BRCA2: variants seen among roughly 807,000 people sequenced by gnomAD.
The protein encoded by BRCA2 is breast cancer type 2 susceptibility protein.
Under a neutral mutation model 276.7 loss-of-function variants are expected in BRCA2, and 203 were observed. That is an observed-to-expected ratio of 0.73 (90% CI 0.65 to 0.82). The LOEUF (loss-of-function observed/expected upper bound fraction) is 0.82, where lower values mean the gene tolerates loss of function less well. Among genes scored for constraint, BRCA2 ranks in the 40% least tolerant of loss-of-function variants. The pLI, the probability that BRCA2 is intolerant of heterozygous loss-of-function variation, is 0.00. For missense variants in BRCA2, 3,920 were observed against 3,915.0 expected, an observed-to-expected ratio of 1.00 and a Z score of -0.03; for synonymous variants, 1,289 against 1,338.4, an observed-to-expected ratio of 0.96 and a Z score of 0.81.
Position 32,346,876 on chromosome 13 carries a change from G to A in BRCA2, c.6987G>A (p.Pro2329=), listed in dbSNP as rs756619373. 33 of 1,609,500 alleles carry A rather than the reference G, an allele frequency of 2.1e-5. No homozygotes were observed. Among genetic ancestry groups the A allele is most frequent in the African/African-American group, 6.7e-5 (5 of 74,816 alleles). ...TTATGCATCATGTTTCTTTAGAGCCGATTACCTGTGTACCCTTTCGGTAAG... is the reference window on the plus strand; with the variant it reads ...TTATGCATCATGTTTCTTTAGAGCCAATTACCTGTGTACCCTTTCGGTAAG... ...RLFMHHVSLE[P]ITCVPFRTTK... is the part of the protein sequence containing the mutation. Residue 2329 remains proline (P), a synonymous_variant, in exon 13 of 27, where the codon CCG becomes CCA. Transcript: ENST00000380152.
intron 20 of BRCA2, among the ~76,000 whole-genome samples, chr13:32,376,240 A>G (rs1456119746): frequency 6.6e-6 from 1 of 151,810 alleles, no homozygotes; most frequent in Non-Finnish European, 1.5e-5. Context: ...AACTTATAGC[A>G]GGCCAGGTGT....
In BRCA2 at chr13:32,341,049, A is replaced by G. The variant is rs781219481; in HGVS notation, c.6694A>G (p.Lys2232Glu). 3.1e-6 allele frequency: 5 copies of G among 1,613,966 alleles called. No homozygotes were observed. The highest frequency in any genetic ancestry group is 4.2e-6 in the Non-Finnish European group (5 of 1,179,912). ...TGAAACAGAAGCAGTAGAAATTGCTAAAGCTTTTATGGAAGATGATGAACT... is the reference window on the plus strand; with the variant it reads ...TGAAACAGAAGCAGTAGAAATTGCTGAAGCTTTTATGGAAGATGATGAACT... The part of the protein sequence containing the change: ...YFETEAVEIA[K>E]AFMEDDELTD... Residue 2232 changes from lysine (K) to glutamate (E), a missense_variant, in exon 11 of 27, where the codon AAA (lysine) becomes GAA (glutamate). Lys to Glu is a moderately conservative substitution (Grantham distance 56, BLOSUM62 1). Around this residue, in one of 2 missense-constraint regions of BRCA2, gnomAD observed 3,263 missense variants for 3,156.9 expected, o/e 1.03. Coordinates refer to ENST00000380152, the MANE Select transcript of BRCA2 (RefSeq NM_000059.4).
At chr13:32,398,040 TA>T (rs2073047737) in intron 26 of BRCA2, 121 bp from the exon 27 acceptor site, 24 of 1,012,058 alleles carry the variant, frequency 2.4e-5, no homozygotes, top group Non-Finnish European at 3.3e-5. Context: ...TATTAGGAGT[TA>T]GGGGAGGGAG....
At chr13:32,316,650 A>T in intron 2 of BRCA2, 123 bp downstream of exon 2, 1 of 830,852 alleles carries the variant, frequency 1.2e-6, no homozygotes, top group Non-Finnish European at 2.0e-6. Context: ...TTATGTGTGT[A>T]TAAATCCAGT....
In BRCA2 at chr13:32,326,499, G is replaced by A. The variant is rs397507768; in HGVS notation, c.517G>A (p.Gly173Ser). 1.9e-6 allele frequency: 3 copies of A among 1,601,910 alleles called. No individual in the cohort carries two copies. The highest frequency in any genetic ancestry group is 2.7e-5 in the African/African-American group (2 of 74,764). Residue 173 changes from glycine (G) to serine (S), a missense_variant and splice_region_variant, in exon 7 of 27, where the codon GGT becomes AGT. Physicochemically the swap from Gly to Ser is moderately conservative, Grantham distance 56 (BLOSUM62 0). Around this residue, in one of 2 missense-constraint regions of BRCA2, gnomAD observed 3,263 missense variants for 3,156.9 expected, o/e 1.03. Transcript: ENST00000380152. ...SLFHTPKFVK[G>S]RQTPKHISES... Reference sequence around the variant, plus strand: ...AATAAACTATTTTCTTTCCTCCCAGGGTCGTCAGACACCAAAACATATTTC... The same window carrying A: ...AATAAACTATTTTCTTTCCTCCCAGAGTCGTCAGACACCAAAACATATTTC...
intron 24 of BRCA2, among the ~76,000 whole-genome samples, chr13:32,394,440 G>A (rs1024666600): frequency 1.3e-5 from 2 of 152,196 alleles, no homozygotes; most frequent in Non-Finnish European, 2.9e-5. Context: ...TGTTAGCAAT[G>A]TGTGCGTATA....
At chr13:32,377,895 G>A (rs2072884797) in intron 21 of BRCA2, among the ~76,000 whole-genome samples, 1 of 151,986 alleles carries the variant, frequency 6.6e-6, no homozygotes, top group Non-Finnish European at 1.5e-5. Context: ...TTAAATAGTG[G>A]GACTACAAAA....
At chr13:32,320,217 T>G (rs1387169776) in intron 3 of BRCA2, among the ~76,000 whole-genome samples, 1 of 152,210 alleles carries the variant, frequency 6.6e-6, no homozygotes, top group Admixed American at 6.5e-5. Context: ...AAATTGAATT[T>G]GTTTGGTTGG....
chr13:32,333,704 A>G (rs2072428064), intron 10 of BRCA2, among the ~76,000 whole-genome samples: 1 of 151,956 alleles, frequency 6.6e-6, no homozygotes, highest in South Asian at 2.1e-4. Flanking sequence ...GCACCTGTCA[A>G]CCCTTCACCT....
At chr13:32,391,406 C>G (rs1314132040) in intron 24 of BRCA2, among the ~76,000 whole-genome samples, 2 of 152,196 alleles carry the variant, frequency 1.3e-5, no homozygotes, top group East Asian at 3.9e-4. Context: ...AGAGCCAGTC[C>G]TTGCATACTG....
Position 32,379,793 on chromosome 13 carries a change from G to A in BRCA2, c.8997G>A (p.Leu2999=), listed in dbSNP as rs80359804. The A allele has an allele frequency of 8.1e-6, 13 of 1,612,556 alleles. No homozygotes were observed. Among genetic ancestry groups the A allele is most frequent in the Non-Finnish European group, 1.0e-5 (12 of 1,178,666 alleles). ...IWRPSSDLYS[L]LTEGKRYRIY... is the part of the protein sequence containing the mutation. ...GTCCATCATCAGATTTATATTCTCT[G>A]TTAACAGAAGGAAAGAGATACAGAA... Residue 2999 remains leucine, a synonymous_variant, in exon 23 of 27, where the codon CTG becomes CTA. Transcript: ENST00000380152.
chr13:32,356,418 T>C lies in BRCA2; in HGVS notation c.7436-10T>C, dbSNP rs398122582. The C allele has an allele frequency of 1.9e-6, 3 of 1,610,724 alleles. No individual in the cohort carries two copies. Among genetic ancestry groups the C allele is most frequent in the Non-Finnish European group, 1.7e-6 (2 of 1,176,924 alleles). ...AATTTTATTTTTGCTAAGTATTTATTCTTTGATAGATTTAATTACAAGTCT... is the reference window on the plus strand; with the variant it reads ...AATTTTATTTTTGCTAAGTATTTATCCTTTGATAGATTTAATTACAAGTCT... On this transcript the variant is annotated splice_polypyrimidine_tract_variant and intron_variant, in intron 14 of 26. Transcript: ENST00000380152.
rs746474565 is a variant in BRCA2, at chr13:32,329,416, C to G, written c.632-27C>G. 4.6e-6 allele frequency: 7 copies of G among 1,536,828 alleles called. No homozygotes were observed. Among genetic ancestry groups the G allele is most frequent in the Middle Eastern group, 1.7e-4 (1 of 5,872 alleles). On this transcript the variant is annotated intron_variant, in intron 7 of 26. Transcript: ENST00000380152. ...GTTTTTGCATTCTAGTGATAATATA[C>G]AATACACATAAATTTTTATCTTACA...
In BRCA2 at chr13:32,379,469, G is replaced by A. The variant is rs1566252757; in HGVS notation, c.8907G>A (p.Val2969=). 6.2e-7 allele frequency: 1 copy of A among 1,613,346 alleles called. No individual in the cohort carries two copies. The highest frequency in any genetic ancestry group is 1.1e-5 in the South Asian group (1 of 90,900). ...GTTTATCAAGGGATGTCACAACCGT[G>A]TGGAAGTTGCGTATTGTAAGCTATT... is the stretch of plus-strand genomic sequence containing the variant. ...EQGLSRDVTT[V]WKLRIVSYSK... The change falls in exon 22 of 27, where the codon GTG becomes GTA. Residue 2969 remains valine, a synonymous_variant. Transcript: ENST00000380152.
Position 32,382,058 on chromosome 13 carries a change from G to A in BRCA2, c.9256+1913G>A, listed in dbSNP as rs11571777. ...TCTAAGTAGAAATGTCTACTTGATGGTTACATAGGAATCTGTTCAGAGGAA... is the reference window on the plus strand; with the variant it reads ...TCTAAGTAGAAATGTCTACTTGATGATTACATAGGAATCTGTTCAGAGGAA... On this transcript the variant is annotated intron_variant, in intron 24 of 26. Transcript: ENST00000380152. Among the ~76,000 whole-genome samples, 534 of 152,300 alleles carry A rather than the reference G, an allele frequency of 3.5e-3. 2 individuals are homozygous for A. The highest frequency in any genetic ancestry group is 0.013 in the African/African-American group (521 of 41,570).
At chr13:32,382,592 G>A (rs532367131) in intron 24 of BRCA2, among the ~76,000 whole-genome samples, 1 of 152,242 alleles carries the variant, frequency 6.6e-6, no homozygotes, top group South Asian at 2.1e-4. Context: ...ACTTTCAGTG[G>A]ACTGAAGTGG....
At position 32,339,379 on chromosome 13, in the gene BRCA2, G is replaced by A. The variant is rs2137512936; in HGVS notation, c.5024G>A (p.Cys1675Tyr). The change falls in exon 11 of 27, where the codon TGT becomes TAT. Residue 1675 changes from cysteine to tyrosine, a missense_variant. Transcript: ENST00000380152. ...ENSALAFYTS[C>Y]SRKTSVSQTS... ...TCAGCCTTAGCTTTTTACACAAGTT[G>A]TAGTAGAAAAACTTCTGTGAGTCAG... 6.3e-7 allele frequency: 1 copy of A among 1,594,966 alleles called. No homozygotes were observed. Among genetic ancestry groups the A allele is most frequent in the Non-Finnish European group, 8.5e-7 (1 of 1,171,868 alleles).
In BRCA2 at chr13:32,316,457, A is replaced by G. The variant is rs747900115; in HGVS notation, c.-4A>G. The G allele has an allele frequency of 6.2e-7, 1 of 1,613,220 alleles. No homozygotes were observed. The highest frequency in any genetic ancestry group is 8.5e-7 in the Non-Finnish European group (1 of 1,179,154). On this transcript the variant is annotated 5_prime_UTR_variant, in exon 2 of 27. Coordinates refer to ENST00000380152, the MANE Select transcript of BRCA2 (RefSeq NM_000059.4). ...CAAGCATTGGAGGAATATCGTAGGT[A>G]AAAATGCCTATTGGATCCAAAGAGA...
intron 16 of BRCA2, among the ~76,000 whole-genome samples, chr13:32,358,360 C>G (rs1206043905): frequency 6.6e-6 from 1 of 151,098 alleles, no homozygotes; most frequent in South Asian, 2.1e-4. Flanking sequence ...CCTGTAATCC[C>G]GGCTACTCTG....
Sources: allele counts gnomAD v4.1 joint callset (sites outside exome capture counted in the v4.1 genomes callset), GRCh38; gene constraint gnomAD v4.1.1; regional missense constraint gnomAD v4.1.1; transcripts MANE v1.5; gene names NCBI Gene and HGNC (gene_info 2026-07-23, HGNC 2026-07-21).